Variants in ENPP6 observed in about 807,000 individuals in gnomAD.
The protein encoded by ENPP6 is glycerophosphocholine cholinephosphodiesterase ENPP6.
ENPP6 carries 32 observed loss-of-function variants against 42.0 expected under a neutral mutation model. The observed-to-expected ratio is 0.76, with a 90% CI of 0.58 to 1.02. ENPP6 has a LOEUF of 1.02. Among genes scored for constraint, ENPP6 ranks in the 50% least tolerant of loss-of-function variants. ENPP6 has a pLI of 0.00. For synonymous variants in ENPP6, 213 were observed against 216.0 expected (o/e 0.99, Z 0.12); for missense variants, 552 against 566.8 (o/e 0.97, Z 0.27).
chr4:184,134,360 G>C (rs924689088), intron 2 of ENPP6, among the ~76,000 whole-genome samples: 19 of 152,124 alleles, frequency 1.2e-4, no homozygotes, highest in African/African-American at 4.6e-4. Context: ...AACTTCACTA[G>C]TGGAGTGTCT....
chr4:184,125,014 T>C (rs542792176), intron 2 of ENPP6, among the ~76,000 whole-genome samples: 2 of 152,324 alleles, frequency 1.3e-5, no homozygotes, highest in East Asian at 3.9e-4. Flanking sequence ...TAAATATTTA[T>C]TGGGCATTTA....
At chr4:184,182,562 G>A (rs1732570197) in intron 1 of ENPP6, among the ~76,000 whole-genome samples, 1 of 152,078 alleles carries the variant, frequency 6.6e-6, no homozygotes, top group Non-Finnish European at 1.5e-5. Flanking sequence ...CATGCATACA[G>A]ATGTTCGTTG....
intron 3 of ENPP6, among the ~76,000 whole-genome samples, chr4:184,120,529 C>T (rs779490321): frequency 6.6e-6 from 1 of 152,242 alleles, no homozygotes; most frequent in South Asian, 2.1e-4. Flanking sequence ...TGCTCTCCTC[C>T]ACCAACCCCA....
At chr4:184,162,705 A>C (rs1054603479) in intron 1 of ENPP6, among the ~76,000 whole-genome samples, 5 of 152,200 alleles carry the variant, frequency 3.3e-5, no homozygotes, top group Non-Finnish European at 5.9e-5. Flanking sequence ...GCTATTCCCC[A>C]CACTCAGAGT....
At chr4:184,168,340 T>C (rs1737393633) in intron 1 of ENPP6, among the ~76,000 whole-genome samples, 1 of 152,164 alleles carries the variant, frequency 6.6e-6, no homozygotes, top group Admixed American at 6.5e-5. Context: ...CTTTTAAAAA[T>C]GGCACTTTGA....
At chr4:184,134,169 G>C (rs1736690376) in intron 2 of ENPP6, among the ~76,000 whole-genome samples, 1 of 70,560 alleles carries the variant, frequency 1.4e-5, no homozygotes, top group Non-Finnish European at 4.0e-5. Context: ...TTTAGAGCTG[G>C]TATCACACTA....
At chr4:184,114,180 G>C (rs544402989) in intron 5 of ENPP6, among the ~76,000 whole-genome samples, 4 of 152,176 alleles carry the variant, frequency 2.6e-5, no homozygotes, top group Admixed American at 2.6e-4. Flanking sequence ...TGGCCAGGCT[G>C]GTCTTGAACC....
chr4:184,193,932 T>G (rs571892426), intron 1 of ENPP6, among the ~76,000 whole-genome samples: 12 of 152,234 alleles, frequency 7.9e-5, no homozygotes, highest in Non-Finnish European at 8.8e-5. Flanking sequence ...ACTGACTTTC[T>G]TCTATTAGAA....
chr4:184,146,175 G>A (rs1736917315), intron 2 of ENPP6, among the ~76,000 whole-genome samples: 1 of 152,064 alleles, frequency 6.6e-6, no homozygotes, highest in Non-Finnish European at 1.5e-5. Flanking sequence ...GCTCACGCCT[G>A]TAATCCCAGC....
At chr4:184,096,388 G>C (rs1295698903) in intron 7 of ENPP6, among the ~76,000 whole-genome samples, 9 of 152,164 alleles carry the variant, frequency 5.9e-5, no homozygotes, top group Non-Finnish European at 5.9e-5. Flanking sequence ...CAGGTATCAG[G>C]GTAAGCTGCT....
chr4:184,185,817 CTT>C (rs1371445271), intron 1 of ENPP6, among the ~76,000 whole-genome samples: 2 of 152,202 alleles, frequency 1.3e-5, no homozygotes, highest in Non-Finnish European at 2.9e-5. Flanking sequence ...CTGCTTGAAA[CTT>C]GATTAGATTT....
chr4:184,111,083 G>A (rs1471669408), intron 6 of ENPP6, among the ~76,000 whole-genome samples: 2 of 152,038 alleles, frequency 1.3e-5, no homozygotes, highest in Non-Finnish European at 2.9e-5. Flanking sequence ...TCTCCATAGT[G>A]ACCTCTGGCC....
At chr4:184,215,827 G>A (rs1317450436) in intron 1 of ENPP6, among the ~76,000 whole-genome samples, 1 of 152,130 alleles carries the variant, frequency 6.6e-6, no homozygotes, top group Non-Finnish European at 1.5e-5. Context: ...TAAAGGAAGG[G>A]GCCCTTCTCT....
rs1440388023 is a variant in ENPP6 at position 184,088,835 on chromosome 4, TCAGA to T, written c.*2338_*2341del. The T allele has an allele frequency of 6.6e-6, 1 of 152,214 alleles. No individual in the cohort carries two copies. The highest frequency in any genetic ancestry group is 1.5e-5 in the Non-Finnish European group (1 of 68,034). 9.4% of individuals were successfully genotyped at this position (152,214 alleles called of 1,614,324 possible). ...TATTCAGTTGAGTAATTACACTTTG[TCAGA>T]CAAATATCTAAAGTTTTATTATGTA... is the stretch of plus-strand genomic sequence containing the variant. On this transcript the variant is annotated 3_prime_UTR_variant, in exon 8 of 8. Transcript: ENST00000296741.
At chr4:184,129,747 T>A (rs1270781011) in intron 2 of ENPP6, among the ~76,000 whole-genome samples, 1 of 152,230 alleles carries the variant, frequency 6.6e-6, no homozygotes, top group Non-Finnish European at 1.5e-5. Context: ...TATGCAGGCG[T>A]TAAAATAATT....
chr4:184,102,455 A>T (rs573753823), intron 6 of ENPP6, among the ~76,000 whole-genome samples: 1 of 152,192 alleles, frequency 6.6e-6, no homozygotes, highest in African/African-American at 2.4e-5. Flanking sequence ...GGAATACATG[A>T]TCATATATAT....
chr4:184,152,015 A>C (rs2111076483), intron 2 of ENPP6, among the ~76,000 whole-genome samples: 1 of 152,252 alleles, frequency 6.6e-6, no homozygotes, highest in African/African-American at 2.4e-5. Context: ...GTGTCTTCTG[A>C]AGAAATTGTG....
chr4:184,107,788 G>A (rs866430248), intron 6 of ENPP6, among the ~76,000 whole-genome samples: 87 of 151,944 alleles, frequency 5.7e-4, no homozygotes, highest in African/African-American at 2.0e-3. Context: ...GGTGGCGGGC[G>A]CCTGTTGTCC....
intron 1 of ENPP6, chr4:184,203,942 G>T (rs1732945084): frequency 6.6e-6 from 1 of 152,174 alleles, no homozygotes; most frequent in East Asian, 1.9e-4. Flanking sequence ...AGTAACACAG[G>T]CTGGGTGGCT....
Sources: allele counts gnomAD v4.1 joint callset (sites outside exome capture counted in the v4.1 genomes callset), GRCh38; gene constraint gnomAD v4.1.1; transcripts MANE v1.5; gene names NCBI Gene and HGNC (gene_info 2026-07-23, HGNC 2026-07-21).